Variants in ERCC8 observed in about 807,000 individuals in gnomAD.
The protein encoded by ERCC8 is DNA excision repair protein ERCC-8.
A neutral mutation model predicts 54.9 loss-of-function variants in ERCC8; 52 were observed. That is an observed-to-expected ratio of 0.95 (90% CI 0.76 to 1.19). ERCC8 has a LOEUF of 1.19. ERCC8 is among the 50% of genes most tolerant of loss of function. The probability of loss-of-function intolerance (pLI) is 0.00; values close to 1 mark genes in which losing one functional copy is unlikely to be tolerated. For missense variants in ERCC8, 514 were observed against 466.1 expected (o/e 1.10, Z -0.95); for synonymous variants, 146 against 157.2 (o/e 0.93, Z 0.53).
chr5:60,904,902 T>A, intron 4 of ERCC8, 29 bp from the exon 5 acceptor site: 2 of 1,089,328 alleles, frequency 1.8e-6, no homozygotes, highest in Non-Finnish European at 2.8e-6. Flanking sequence ...TTAAAAAGTA[T>A]AAGGTTTAAG....
chr5:60,909,787 C>T (rs1749200518), intron 4 of ERCC8: 1 of 152,066 alleles, frequency 6.6e-6, no homozygotes, highest in African/African-American at 2.4e-5. Flanking sequence ...AACCCTGTCT[C>T]TACTAAAAAT....
At chr5:60,893,896 C>T (rs1748644908) in intron 9 of ERCC8, among the ~76,000 whole-genome samples, 1 of 151,834 alleles carries the variant, frequency 6.6e-6, no homozygotes, top group Non-Finnish European at 1.5e-5. Flanking sequence ...CTATCCATCT[C>T]TAGAACTCTT....
rs1747876210 is a variant in ERCC8 at position 60,872,140 on chromosome 5, C to T, written c.*2475G>A. 6.6e-6 allele frequency among the ~76,000 whole-genome samples: 1 copy of T among 152,066 alleles called. No homozygotes were observed. Among genetic ancestry groups the T allele is most frequent in the Non-Finnish European group, 1.5e-5 (1 of 68,018 alleles). On this transcript the variant is annotated 3_prime_UTR_variant, in exon 12 of 12. Transcript: ENST00000676185. Reference sequence around the variant, plus strand: ...TTTTCAAAGGTCAAATGCATCCTCACCAAGGGGACAAGATTGAAAGTAGAA... The same window carrying T: ...TTTTCAAAGGTCAAATGCATCCTCATCAAGGGGACAAGATTGAAAGTAGAA...
intron 7 of ERCC8, among the ~76,000 whole-genome samples, chr5:60,901,694 T>C (rs746166960): frequency 5.3e-5 from 8 of 152,050 alleles, no homozygotes; most frequent in Non-Finnish European, 1.2e-4. Context: ...TCCACCCTCA[T>C]CTGGATCCTT....
chr5:60,903,624 C>T (rs1194140317), intron 6 of ERCC8, 24 bp downstream of exon 6: 33 of 1,611,520 alleles, frequency 2.0e-5, no homozygotes, highest in Non-Finnish European at 2.8e-5. Context: ...AAAGTAGTTG[C>T]CGTTTGAAAT....
chr5:60,904,893 T>TAA lies in ERCC8; in HGVS notation c.400-22_400-21dup, dbSNP rs770131914. The TAA allele has an allele frequency of 1.0e-4, 124 of 1,184,578 alleles. No individual in the cohort carries two copies. The highest frequency in any genetic ancestry group is 1.9e-4 in the Middle Eastern group (1 of 5,140). The allele number at this position is 1,184,578 out of a possible 1,614,324, so 73.4% of individuals were successfully genotyped here. A position where few individuals can be genotyped will look rare whatever the true frequency, so the allele number is the denominator to read the frequency against. ...TGCAGTCTGGTAATCAAAAGACATT[T>TAA]AAAAAGTATAAGGTTTAAGTATAAA... On this transcript the variant is annotated intron_variant, in intron 4 of 11. Coordinates refer to ENST00000676185, the MANE Select transcript of ERCC8 (RefSeq NM_000082.4).
intron 1 of ERCC8, among the ~76,000 whole-genome samples, chr5:60,932,530 C>T (rs1043459177): frequency 2.6e-5 from 4 of 152,220 alleles, no homozygotes; most frequent in Non-Finnish European, 5.9e-5. Flanking sequence ...AGACATTTCA[C>T]ATATGTTGTC....
rs1349255785 is a variant in ERCC8 at position 60,873,656 on chromosome 5, G to A, written c.*959C>T. ...CAAAACACTGCACTCCGGCCTGAGC[G>A]ACAGAGTGAAACTCCATCTCAGGAA... On this transcript the variant is annotated 3_prime_UTR_variant, in exon 12 of 12. Coordinates refer to ENST00000676185, the MANE Select transcript of ERCC8 (RefSeq NM_000082.4). 6.6e-6 allele frequency among the ~76,000 whole-genome samples: 1 copy of A among 152,004 alleles called. No homozygotes were observed. The highest frequency in any genetic ancestry group is 2.4e-5 in the African/African-American group (1 of 41,394).
chr5:60,907,651 A>G (rs1430916265), intron 4 of ERCC8: 1 of 152,150 alleles, frequency 6.6e-6, no homozygotes, highest in Non-Finnish European at 1.5e-5. Flanking sequence ...ATCTCACCCT[A>G]TAGATTATCT....
intron 11 of ERCC8, among the ~76,000 whole-genome samples, chr5:60,882,367 G>C (rs935529781): frequency 5.9e-5 from 9 of 152,200 alleles, no homozygotes; most frequent in African/African-American, 2.2e-4. Flanking sequence ...CTTAATGTCA[G>C]CTATACTCCA....
intron 4 of ERCC8, among the ~76,000 whole-genome samples, chr5:60,915,966 C>T (rs1245827322): frequency 6.6e-6 from 1 of 151,936 alleles, no homozygotes; most frequent in African/African-American, 2.4e-5. Context: ...GAGTATTCCC[C>T]TCTAGGTGCC....
chr5:60,895,831 T>C (rs1469969903), intron 9 of ERCC8, among the ~76,000 whole-genome samples: 1 of 152,224 alleles, frequency 6.6e-6, no homozygotes, highest in Admixed American at 6.5e-5. Flanking sequence ...ATAAAACTTA[T>C]GGTCTTTCCA....
At chr5:60,912,978 G>T (rs35319315) in intron 4 of ERCC8, among the ~76,000 whole-genome samples, 22,678 of 152,076 alleles carry the variant, frequency 0.15, 2,158 homozygotes, top group South Asian at 0.29. Flanking sequence ...TTGATGTGCT[G>T]TTGGATTCAG....
intron 4 of ERCC8, among the ~76,000 whole-genome samples, chr5:60,911,282 C>T (rs757855977): frequency 2.0e-5 from 3 of 151,864 alleles, no homozygotes; most frequent in Non-Finnish European, 2.9e-5. Flanking sequence ...TTTTAATAAT[C>T]GCCATCCTAA....
At chr5:60,904,529 G>A (rs1028236930) in intron 5 of ERCC8, among the ~76,000 whole-genome samples, 3 of 149,888 alleles carry the variant, frequency 2.0e-5, no homozygotes, top group Non-Finnish European at 3.0e-5. Context: ...ACAGAAATAC[G>A]CTCTTATTCT....
At chr5:60,931,901 A>G (rs1002640628) in intron 1 of ERCC8, among the ~76,000 whole-genome samples, 1 of 152,110 alleles carries the variant, frequency 6.6e-6, no homozygotes, top group Non-Finnish European at 1.5e-5. Flanking sequence ...TACTACCAAT[A>G]TATTTATCAA....
chr5:60,901,423 C>T (rs145750707), intron 7 of ERCC8, among the ~76,000 whole-genome samples: 2 of 152,104 alleles, frequency 1.3e-5, no homozygotes, highest in African/African-American at 4.8e-5. Flanking sequence ...CCCAGTAATC[C>T]TATGGGCCCT....
chr5:60,892,360 T>G, intron 9 of ERCC8: 1 of 549,274 alleles, frequency 1.8e-6, no homozygotes, highest in Non-Finnish European at 3.7e-6. Context: ...TGGCCAAGCA[T>G]TCCATGGTGT....
rs1190104222 is a variant in ERCC8 at position 60,937,169 on chromosome 5, C to T, written c.77+7763G>A. 3.9e-5 allele frequency among the ~76,000 whole-genome samples: 6 copies of T among 152,192 alleles called. No homozygotes were observed. In the South Asian group the frequency reaches 8.3e-4, roughly 21 times the overall value. On this transcript the variant is annotated intron_variant, in intron 1 of 11. Coordinates refer to ENST00000676185, the MANE Select transcript of ERCC8 (RefSeq NM_000082.4). ...AGCCGTGGATACCAGCACCGGCAACCGTAGAGGCAGCAGGGGAGTGAAGTG... is the reference window on the plus strand; with the variant it reads ...AGCCGTGGATACCAGCACCGGCAACTGTAGAGGCAGCAGGGGAGTGAAGTG...
Sources: allele counts gnomAD v4.1 joint callset (sites outside exome capture counted in the v4.1 genomes callset), GRCh38; gene constraint gnomAD v4.1.1; transcripts MANE v1.5; gene names NCBI Gene and HGNC (gene_info 2026-07-23, HGNC 2026-07-21).